The following ARHGAP15 variants were observed in gnomAD, a reference collection of about 807,000 sequenced individuals.
ARHGAP15 encodes rho GTPase-activating protein 15.
A neutral mutation model predicts 63.7 loss-of-function variants in ARHGAP15; 51 were observed. That is an observed-to-expected ratio of 0.80 (90% CI 0.64 to 1.01). ARHGAP15 has a LOEUF of 1.01. ARHGAP15 is among the 50% of genes least tolerant of loss of function. The pLI is 0.00. For synonymous variants in ARHGAP15, 191 were observed against 193.8 expected, an observed-to-expected ratio of 0.99 and a Z score of 0.12; for missense variants, 560 against 564.6, an observed-to-expected ratio of 0.99 and a Z score of 0.08.
intron 12 of ARHGAP15, among the ~76,000 whole-genome samples, chr2:143,666,206 G>T (rs925982143): frequency 1.3e-5 from 2 of 149,594 alleles, no homozygotes; most frequent in African/African-American, 2.4e-5. Context: ...GCATGGTACT[G>T]GTACCAAAAC....
At chr2:143,381,603 C>T (rs1687055944) in intron 6 of ARHGAP15, among the ~76,000 whole-genome samples, 1 of 152,222 alleles carries the variant, frequency 6.6e-6, no homozygotes. Flanking sequence ...ATTTTTACAG[C>T]TGGTACTGCT....
intron 6 of ARHGAP15, among the ~76,000 whole-genome samples, chr2:143,404,801 G>T (rs1688129573): frequency 1.3e-5 from 2 of 151,902 alleles, no homozygotes; most frequent in Admixed American, 1.3e-4. Flanking sequence ...TTGGTGAATT[G>T]CATTGAGTTT....
At chr2:143,529,084 A>G (rs1299188362) in intron 10 of ARHGAP15, among the ~76,000 whole-genome samples, 1 of 151,956 alleles carries the variant, frequency 6.6e-6, no homozygotes, top group East Asian at 1.9e-4. Flanking sequence ...TCTAGAAACA[A>G]CCCTTCTTGA....
intron 8 of ARHGAP15, among the ~76,000 whole-genome samples, chr2:143,447,050 C>T (rs901022569): frequency 6.6e-5 from 10 of 152,032 alleles, no homozygotes; most frequent in African/African-American, 2.2e-4. Context: ...GGGTTGGTTC[C>T]AAGTCTTTGC....
chr2:143,324,739 C>T (rs1331303907), intron 6 of ARHGAP15, among the ~76,000 whole-genome samples: 2 of 151,986 alleles, frequency 1.3e-5, no homozygotes, highest in Non-Finnish European at 1.5e-5. Context: ...TTCATTCATC[C>T]ATATGAAAAC....
At chr2:143,330,052 A>G (rs2105252401) in intron 6 of ARHGAP15, among the ~76,000 whole-genome samples, 1 of 131,926 alleles carries the variant, frequency 7.6e-6, no homozygotes, top group Non-Finnish European at 1.6e-5. Flanking sequence ...AGATTGCACC[A>G]CTACACTCCA....
At chr2:143,227,646 A>T (rs1373248316) in intron 4 of ARHGAP15, among the ~76,000 whole-genome samples, 1 of 152,178 alleles carries the variant, frequency 6.6e-6, no homozygotes, top group Admixed American at 6.5e-5. Context: ...TACGTGTATT[A>T]TGGTCTGCAT....
chr2:143,456,162 G>A (rs1451969428), intron 8 of ARHGAP15, among the ~76,000 whole-genome samples: 1 of 152,068 alleles, frequency 6.6e-6, no homozygotes, highest in Non-Finnish European at 1.5e-5. Flanking sequence ...CTGGCAGTGA[G>A]GGCTAAATAA....
intron 11 of ARHGAP15, among the ~76,000 whole-genome samples, 161 bp from the exon 12 acceptor site, chr2:143,623,972 A>G (rs1698740906): frequency 6.6e-6 from 1 of 152,004 alleles, no homozygotes; most frequent in African/African-American, 2.4e-5. Flanking sequence ...TTCCCTTCCT[A>G]CGGAAAGAGG....
intron 2 of ARHGAP15, among the ~76,000 whole-genome samples, chr2:143,186,906 C>A (rs1342058461): frequency 6.6e-6 from 1 of 152,140 alleles, no homozygotes; most frequent in Non-Finnish European, 1.5e-5. Context: ...AAAAATTAAT[C>A]CTATTTTGGC....
At chr2:143,654,853 G>A (rs1468933845) in intron 12 of ARHGAP15, among the ~76,000 whole-genome samples, 1 of 152,156 alleles carries the variant, frequency 6.6e-6, no homozygotes, top group East Asian at 1.9e-4. Context: ...AATATGACCT[G>A]AGAGGCTGAG....
intron 6 of ARHGAP15, among the ~76,000 whole-genome samples, chr2:143,320,290 G>A (rs898742951): frequency 6.6e-6 from 1 of 151,966 alleles, no homozygotes; most frequent in Non-Finnish European, 1.5e-5. Flanking sequence ...CTGCAGAGCT[G>A]ATTGTGCACA....
At chr2:143,166,772 C>A (rs938474998) in intron 2 of ARHGAP15, among the ~76,000 whole-genome samples, 4 of 152,052 alleles carry the variant, frequency 2.6e-5, no homozygotes, top group African/African-American at 9.7e-5. Flanking sequence ...TATAAGAATT[C>A]CACCTGATTT....
At chr2:143,680,716 C>T (rs755305117) in intron 12 of ARHGAP15, among the ~76,000 whole-genome samples, 3 of 152,208 alleles carry the variant, frequency 2.0e-5, no homozygotes, top group Non-Finnish European at 4.4e-5. Context: ...CATTTCAAAG[C>T]GCTAATTCCA....
intron 13 of ARHGAP15, among the ~76,000 whole-genome samples, chr2:143,722,129 G>A (rs1170379772): frequency 4.0e-5 from 6 of 151,602 alleles, no homozygotes; most frequent in African/African-American, 1.2e-4. Flanking sequence ...TATGTATTTT[G>A]TGACTTCTTA....
At chr2:143,521,831 C>A (rs759695181) in intron 10 of ARHGAP15, 2 of 151,618 alleles carry the variant, frequency 1.3e-5, no homozygotes, top group Non-Finnish European at 2.9e-5. Flanking sequence ...AAAAAACCTA[C>A]AAATTGTGGC....
chr2:143,519,772 CACAG>C (rs1397296567), intron 10 of ARHGAP15, among the ~76,000 whole-genome samples: 4 of 152,188 alleles, frequency 2.6e-5, no homozygotes, highest in African/African-American at 4.8e-5. Context: ...CATTCTGAAT[CACAG>C]ACAGTGATAT....
chr2:143,299,337 C>G (rs1225807832), intron 6 of ARHGAP15, among the ~76,000 whole-genome samples: 6 of 151,824 alleles, frequency 4.0e-5, no homozygotes, highest in African/African-American at 1.5e-4. Flanking sequence ...TCAGATTTTC[C>G]TTTTTAAGCA....
At chr2:143,281,734 A>T (rs1681860797) in intron 6 of ARHGAP15, among the ~76,000 whole-genome samples, 1 of 152,276 alleles carries the variant, frequency 6.6e-6, no homozygotes, top group South Asian at 2.1e-4. Flanking sequence ...TGTGTTGCAG[A>T]TACCTCATCT....
Sources: gnomAD v4.1 joint callset for allele counts (sites outside exome capture counted in the v4.1 genomes callset) on GRCh38, gnomAD v4.1.1 for gene constraint, MANE v1.5 for transcripts, NCBI Gene and HGNC (gene_info 2026-07-23, HGNC 2026-07-21) for gene names.